PCDH8: variants seen among roughly 807,000 people sequenced by gnomAD.
PCDH8 encodes protocadherin-8.
In PCDH8, 36 loss-of-function variants were observed where a neutral mutation model predicts 58.2. The ratio of observed to expected loss-of-function variants is 0.62; its 90% CI spans 0.47 to 0.82. PCDH8 has a LOEUF of 0.82. Ranked by LOEUF, PCDH8 falls within the 40% of genes least tolerant of loss-of-function variation. The pLI, the probability that PCDH8 is intolerant of heterozygous loss-of-function variation, is 0.00. For missense variants in PCDH8, 1,493 were observed against 1,567.8 expected (o/e 0.95, Z 0.81); for synonymous variants, 775 against 728.9 (o/e 1.06, Z -1.02).
Position 52,847,651 on chromosome 13 carries a change from G to A in PCDH8, c.786C>T (p.Gly262=). 1 of 1,571,588 alleles carries A rather than the reference G, an allele frequency of 6.4e-7. No individual in the cohort carries two copies. Among genetic ancestry groups the A allele is most frequent in the Non-Finnish European group, 8.6e-7 (1 of 1,168,092 alleles). The part of the protein sequence containing the change: ...EVELAEDAPV[G]SLLLDLDAAD... ...CTGCGTCCAGGTCGAGAAGCAGGGA[G>A]CCCACGGGCGCGTCTTCCGCCAGCT... Residue 262 remains glycine, a synonymous_variant, in exon 1 of 3, where the codon GGC becomes GGT. Coordinates refer to ENST00000377942, the MANE Select transcript of PCDH8 (RefSeq NM_002590.4).
chr13:52,846,190 C>A lies in PCDH8; in HGVS notation c.2247G>T (p.Pro749=), dbSNP rs145441374. 8,325 of 1,586,880 alleles carry A rather than the reference C, an allele frequency of 5.2e-3. 682 individuals carry two copies. In the Admixed American group the frequency reaches 0.13, roughly 24 times the overall value. The part of the protein sequence containing the change: ...VSGSVLQWDT[P]LIVIIVLAGS... ...CGGCCAGCACGATGATGACGATCAGCGGCGTGTCCCATTGCAGCACCGACC... is the reference window on the plus strand; with the variant it reads ...CGGCCAGCACGATGATGACGATCAGAGGCGTGTCCCATTGCAGCACCGACC... Residue 749 remains proline (P), a synonymous_variant, in exon 1 of 3, where the codon CCG becomes CCT. Transcript: ENST00000377942.
rs765411963 is a variant in PCDH8 at position 52,846,951 on chromosome 13, G to C, written c.1486C>G (p.Leu496Val). The change falls in exon 1 of 3, where the codon CTC becomes GTC. Residue 496 changes from leucine to valine, a missense_variant. Leu to Val is a conservative substitution (Grantham distance 32). Coordinates refer to ENST00000377942, the MANE Select transcript of PCDH8 (RefSeq NM_002590.4). ...RVGDENDNAP[L>V]FTRPVYEVSV... ...ACCTCATAGACCGGCCGCGTGAAGA[G>C]CGGCGCGTTGTCGTTCTCGTCGCCC... The C allele has an allele frequency of 2.5e-6, 4 of 1,596,382 alleles. No homozygotes were observed. The highest frequency in any genetic ancestry group is 2.6e-6 in the Non-Finnish European group (3 of 1,174,458).
chr13:52,846,542 A>G lies in PCDH8; in HGVS notation c.1895T>C (p.Val632Ala), dbSNP rs1467420715. 3 of 1,601,068 alleles carry G rather than the reference A, an allele frequency of 1.9e-6. No homozygotes were observed. Among genetic ancestry groups the G allele is most frequent in the Non-Finnish European group, 2.5e-6 (3 of 1,178,964 alleles). Reference protein sequence around the residue: ...AVPGRTAKDTVVARVQARDAD... With the variant: ...AVPGRTAKDTAVARVQARDAD... ...ATCCCGGGCCTGCACACGGGCCACA[A>G]CCGTGTCCTTTGCGGTGCGCCCAGG... The change falls in exon 1 of 3, where the codon GTT becomes GCT. Residue 632 changes from valine to alanine, a missense_variant. This residue lies in a region of PCDH8 where 1,307 missense variants were observed against 1,362.7 expected (regional missense o/e 0.96). Transcript: ENST00000377942.
Position 52,847,467 on chromosome 13 carries a change from C to G in PCDH8, c.970G>C (p.Val324Leu). ...CCGGGTCCGCGGTCCTGCGCCCGCA[C>G]GTCCAGCTCGTAGGTGTCCTGACGC... ...YERQDTYELD[V>L]RAQDRGPGPR... Residue 324 changes from valine to leucine, a missense_variant, in exon 1 of 3, where the codon GTG becomes CTG. Physicochemically the swap from Val to Leu is conservative, Grantham distance 32. This residue lies in a region of PCDH8 where 1,307 missense variants were observed against 1,362.7 expected (regional missense o/e 0.96). Coordinates refer to ENST00000377942, the MANE Select transcript of PCDH8 (RefSeq NM_002590.4). 1 of 1,591,232 alleles carries G rather than the reference C, an allele frequency of 6.3e-7. No homozygotes were observed. Among genetic ancestry groups the G allele is most frequent in the East Asian group, 2.3e-5 (1 of 43,126 alleles).
intron 1 of PCDH8, 54 bp from the exon 2 acceptor site, chr13:52,845,686 AC>A: frequency 1.3e-6 from 2 of 1,591,094 alleles, no homozygotes; most frequent in East Asian, 2.3e-5. Context: ...TAAGAAACAA[AC>A]AAAAAACAAG....
chr13:52,846,996 G>A lies in PCDH8; in HGVS notation c.1441C>T (p.Arg481Trp). The change falls in exon 1 of 3, where the codon CGG (arginine) becomes TGG (tryptophan). Residue 481 changes from arginine (R) to tryptophan (W), a missense_variant. Transcript: ENST00000377942. ...TCGCCCACACGCACCGTGTAGGGCC[G>A]CACTGTGCGCAGCGGGGGCGCGCCG... The part of the protein sequence containing the change: ...DRGAPPLRTV[R>W]PYTVRVGDEN... 1.9e-6 allele frequency: 3 copies of A among 1,581,070 alleles called. No individual in the cohort carries two copies. Among genetic ancestry groups the A allele is most frequent in the South Asian group, 1.1e-5 (1 of 87,448 alleles).
In PCDH8 at chr13:52,846,820, G is replaced by T. The variant is rs758033662; in HGVS notation, c.1617C>A (p.Ala539=). Residue 539 remains alanine (A), a synonymous_variant, in exon 1 of 3, where the codon GCC becomes GCA. Transcript: ENST00000377942. ...CGGCGCCCCCGGCGCGGCCCACCTC[G>T]GCCTCCAGCAGCCGGTAGGTGACCT... ...NGQVTYRLLE[A]EVGRAGGAVS... 7.7e-6 allele frequency: 12 copies of T among 1,549,444 alleles called. No individual in the cohort carries two copies. The highest frequency in any genetic ancestry group is 1.9e-5 in the Admixed American group (1 of 52,600).
Position 52,843,048 on chromosome 13 carries a change from G to GAC in PCDH8, c.*1511_*1512insGT. On this transcript the variant is annotated 3_prime_UTR_variant, in exon 3 of 3. Transcript: ENST00000377942. ...TTAATGATACTTCCCATATCCTGGG[G>GAC]GTAGTTTGCTGATTAAATGAGATAA... 1 of 152,262 alleles carries GAC rather than the reference G, an allele frequency of 6.6e-6. No individual in the cohort carries two copies. The highest frequency in any genetic ancestry group is 1.9e-4 in the East Asian group (1 of 5,178). 9.4% of individuals were successfully genotyped at this position (152,262 alleles called of 1,614,324 possible).
Position 52,847,734 on chromosome 13 carries a change from C to A in PCDH8, c.703G>T (p.Val235Phe). The A allele has an allele frequency of 6.6e-7, 1 of 1,505,126 alleles. No individual in the cohort carries two copies. Among genetic ancestry groups the A allele is most frequent in the East Asian group, 2.6e-5 (1 of 38,924 alleles). 93.2% of individuals were successfully genotyped at this position (1,505,126 alleles called of 1,614,324 possible). ...RSATAALSVR[V>F]LDANDHSPAF... Reference sequence around the variant, plus strand: ...GGGCTGTGGTCATTCGCATCCAGGACGCGCACGCTGAGGGCAGCCGTGGCG... The same window carrying A: ...GGGCTGTGGTCATTCGCATCCAGGAAGCGCACGCTGAGGGCAGCCGTGGCG... The change falls in exon 1 of 3, where the codon GTC (valine) becomes TTC (phenylalanine). Residue 235 changes from valine to phenylalanine, a missense_variant. Around this residue, in one of 3 missense-constraint regions of PCDH8, gnomAD observed 1,307 missense variants for 1,362.7 expected, o/e 0.96. Coordinates refer to ENST00000377942, the MANE Select transcript of PCDH8 (RefSeq NM_002590.4).
rs749036498 is a variant in PCDH8 at position 52,846,916 on chromosome 13, G to C, written c.1521C>G (p.Arg507=). The C allele has an allele frequency of 6.3e-7, 1 of 1,587,584 alleles. No homozygotes were observed. Among genetic ancestry groups the C allele is most frequent in the Non-Finnish European group, 8.5e-7 (1 of 1,170,182 alleles). ...FTRPVYEVSV[R]ENNPPGAYLA... is the part of the protein sequence containing the mutation. ...GGTAGGCGCCTGGCGGGTTGTTCTC[G>C]CGCACCGACACCTCATAGACCGGCC... The change falls in exon 1 of 3, where the codon CGC becomes CGG. Residue 507 remains arginine (R), a synonymous_variant. Transcript: ENST00000377942.
Position 52,845,799 on chromosome 13 carries a change from G to T in PCDH8, c.2631+7C>A, listed in dbSNP as rs1042969196. 69 of 1,500,018 alleles carry T rather than the reference G, an allele frequency of 4.6e-5. No homozygotes were observed. The highest frequency in any genetic ancestry group is 5.6e-5 in the Non-Finnish European group (64 of 1,132,946). 92.9% of individuals were successfully genotyped at this position (1,500,018 alleles called of 1,614,324 possible). A position where few individuals can be genotyped will look rare whatever the true frequency, so the allele number is the denominator to read the frequency against. On this transcript the variant is annotated splice_region_variant and intron_variant, in intron 1 of 2. Transcript: ENST00000377942. ...GAGGGGGGCGCCCAGCCGAAGGAAG[G>T]CCTCACCTCGGCGTGCGCGCCGCGG...
In PCDH8 at chr13:52,845,594, C is replaced by T; in HGVS notation, c.2670G>A (p.Ala890=). ...GTCCTTTCCACACCGCCACAGGGGG[C>T]GCCGGCTCCTTTCCAAAACCCGGGG... ...GASPGFGKEP[A]PPVAVWKGHS... is the part of the protein sequence containing the mutation. Residue 890 remains alanine, a synonymous_variant, in exon 2 of 3, where the codon GCG becomes GCA. Coordinates refer to ENST00000377942, the MANE Select transcript of PCDH8 (RefSeq NM_002590.4). 6.2e-7 allele frequency: 1 copy of T among 1,614,060 alleles called. No homozygotes were observed. The highest frequency in any genetic ancestry group is 8.5e-7 in the Non-Finnish European group (1 of 1,180,022).
chr13:52,848,545 G>A lies in PCDH8; in HGVS notation c.-109C>T, dbSNP rs1965781648. 1 of 1,443,146 alleles carries A rather than the reference G, an allele frequency of 6.9e-7. No homozygotes were observed. Among genetic ancestry groups the A allele is most frequent in the Non-Finnish European group, 9.1e-7 (1 of 1,102,554 alleles). The allele number at this position is 1,443,146 out of a possible 1,614,324, so 89.4% of individuals were successfully genotyped here. On this transcript the variant is annotated 5_prime_UTR_variant, in exon 1 of 3. Coordinates refer to ENST00000377942, the MANE Select transcript of PCDH8 (RefSeq NM_002590.4). ...TCACGCTCTTTGCGAGCCCTGTGCG[G>A]GAGAAGTCTGCGGGTAGCAGCTCCG...
rs143031746 is a variant in PCDH8, at chr13:52,845,470, T to A, written c.2794A>T (p.Ser932Cys). ...SDFNDSDSDI[S>C]GDALKKDLIN... ...AGATCCTTTTTCAGAGCGTCCCCGC[T>A]GATGTCGGAATCGCTGTCGTTGAAA... The change falls in exon 2 of 3, where the codon AGC becomes TGC. Residue 932 changes from serine (S) to cysteine (C), a missense_variant. Physicochemically the swap from Ser to Cys is moderately radical, Grantham distance 112. Around this residue, in one of 3 missense-constraint regions of PCDH8, gnomAD observed 182 missense variants for 178.9 expected, o/e 1.02. Coordinates refer to ENST00000377942, the MANE Select transcript of PCDH8 (RefSeq NM_002590.4). 1.0e-4 allele frequency: 166 copies of A among 1,614,234 alleles called. 1 individual carries two copies. In the African/African-American group the frequency reaches 1.8e-3, roughly 17 times the overall value.
chr13:52,843,797 C>T lies in PCDH8; in HGVS notation c.*763G>A, dbSNP rs1032165301. On this transcript the variant is annotated 3_prime_UTR_variant, in exon 3 of 3. Transcript: ENST00000377942. ...AGATGCACATAATTTATGAAATCAA[C>T]ACACGTTTTTAATACTTGGGTGACA... 4 of 152,180 alleles carry T rather than the reference C, an allele frequency of 2.6e-5. No individual in the cohort carries two copies. Among genetic ancestry groups the T allele is most frequent in the Admixed American group, 6.5e-5 (1 of 15,284 alleles). 9.4% of individuals were successfully genotyped at this position (152,180 alleles called of 1,614,324 possible).
In PCDH8 at chr13:52,842,920, A is replaced by G. The variant is rs1291464752; in HGVS notation, c.*1640T>C. On this transcript the variant is annotated 3_prime_UTR_variant, in exon 3 of 3. Transcript: ENST00000377942. ...TACTTTGTTTTATTTTTTGCACTGA[A>G]TAACCTAGGTTTGAATCTCACCCTG... The G allele has an allele frequency of 6.6e-6, 1 of 150,816 alleles. No individual in the cohort carries two copies. The highest frequency in any genetic ancestry group is 1.5e-5 in the Non-Finnish European group (1 of 67,824). The allele number at this position is 150,816 out of a possible 1,614,324, so 9.3% of individuals were successfully genotyped here.
Position 52,847,421 on chromosome 13 carries a change from T to C in PCDH8, c.1016A>G (p.Lys339Arg), listed in dbSNP as rs776576710. 1.9e-6 allele frequency: 3 copies of C among 1,585,312 alleles called. No homozygotes were observed. Among genetic ancestry groups the C allele is most frequent in the Non-Finnish European group, 2.6e-6 (3 of 1,172,516 alleles). ...RGPGPRAATC[K>R]VIVRIRDVND... Reference sequence around the variant, plus strand: ...GACGTCTCGGATGCGCACGATGACCTTGCAGGTGGCAGCGCGGGGCCCGGG... The same window carrying C: ...GACGTCTCGGATGCGCACGATGACCCTGCAGGTGGCAGCGCGGGGCCCGGG... The change falls in exon 1 of 3, where the codon AAG becomes AGG. Residue 339 changes from lysine to arginine, a missense_variant. By Grantham distance (26) the Lys-to-Arg change is conservative. Coordinates refer to ENST00000377942, the MANE Select transcript of PCDH8 (RefSeq NM_002590.4).
chr13:52,845,403 G>A, intron 2 of PCDH8, 22 bp downstream of exon 2: 23 of 1,610,184 alleles, frequency 1.4e-5, no homozygotes, highest in Non-Finnish European at 2.0e-5. Context: ...TGCCGAATTT[G>A]GCGGGAAAGA....
rs1331632025 is a variant in PCDH8, at chr13:52,848,230, G to T, written c.207C>A (p.Phe69Leu). Residue 69 changes from phenylalanine (F) to leucine (L), a missense_variant, in exon 1 of 3, where the codon TTC becomes TTA. By Grantham distance (22) the Phe-to-Leu change is conservative. Transcript: ENST00000377942. ...GDTSFRLMKQ[F>L]NSSLLRVREG... ...CGCGCACCCGGAGCAGAGAGCTGTT[G>T]AATTGCTTCATCAGGCGGAAGCTTG... 3 of 1,613,518 alleles carry T rather than the reference G, an allele frequency of 1.9e-6. No individual in the cohort carries two copies. In the Admixed American group the frequency reaches 5.0e-5, roughly 27 times the overall value.
Sources: gnomAD v4.1 joint callset for allele counts on GRCh38, gnomAD v4.1.1 for gene constraint, gnomAD v4.1.1 regional missense constraint, MANE v1.5 for transcripts, NCBI Gene and HGNC (gene_info 2026-07-23, HGNC 2026-07-21) for gene names.